Variants in KIZ observed in about 807,000 individuals in gnomAD.
KIZ encodes the protein centrosomal protein kizuna.
KIZ carries 68 observed loss-of-function variants against 79.6 expected under a neutral mutation model. That is an observed-to-expected ratio of 0.85 (90% CI 0.70 to 1.05). The LOEUF (loss-of-function observed/expected upper bound fraction) is 1.05. KIZ is among the 50% of genes least tolerant of loss of function. KIZ has a pLI of 0.00. For synonymous variants in KIZ, 280 were observed against 281.8 expected (o/e 0.99, Z 0.06); for missense variants, 797 against 800.4 (o/e 1.00, Z 0.05).
chr20:21,137,998 C>A (rs2032295787), intron 3 of KIZ, among the ~76,000 whole-genome samples: 1 of 152,080 alleles, frequency 6.6e-6, no homozygotes, highest in Non-Finnish European at 1.5e-5. Flanking sequence ...TCTCGAACTC[C>A]CAGTCTCAAG....
Position 21,237,512 on chromosome 20 carries a change from A to G in KIZ, c.1880+4682A>G, listed in dbSNP as rs371289363. ...TCTGTCAAGCACGGGTAGTCTGCAC[A>G]CTGCACACCCTTCCCAGCCAGCTCC... On this transcript the variant is annotated intron_variant, in intron 11 of 12. Transcript: ENST00000619189. Among the ~76,000 whole-genome samples, 135 of 152,104 alleles carry G rather than the reference A, an allele frequency of 8.9e-4. 1 individual carries two copies. The highest frequency in any genetic ancestry group is 3.0e-3 in the African/African-American group (125 of 41,488).
intron 6 of KIZ, among the ~76,000 whole-genome samples, chr20:21,177,064 G>A (rs1240645089): frequency 6.6e-6 from 1 of 151,454 alleles, no homozygotes; most frequent in Non-Finnish European, 1.5e-5. Flanking sequence ...GATGAACACT[G>A]GAGTGCTAAT....
Position 21,176,774 on chromosome 20 carries a change from TAAA to T in KIZ, c.1352+13616_1352+13618del, listed in dbSNP as rs144648860. On this transcript the variant is annotated intron_variant, in intron 6 of 12. Transcript: ENST00000619189. The stretch of plus-strand genomic sequence containing the variant: ...GTAAACAGAAAGATGGAAATTATAA[TAAA>T]GAATAAAAAAGTAATGCTAGAATTA... 8.8e-3 allele frequency among the ~76,000 whole-genome samples: 1,334 copies of T among 152,216 alleles called. 22 individuals are homozygous for T. Among genetic ancestry groups the T allele is most frequent in the African/African-American group, 0.031 (1,269 of 41,558 alleles).
chr20:21,162,547 G>C (rs1435411423), intron 5 of KIZ, 40 bp downstream of exon 5: 1 of 1,528,576 alleles, frequency 6.5e-7, no homozygotes, highest in East Asian at 2.3e-5. Context: ...ATTTTTCTGG[G>C]TGGTAGTGAT....
At chr20:21,198,254 G>A (rs915655400) in intron 6 of KIZ, 16 of 152,180 alleles carry the variant, frequency 1.1e-4, no homozygotes, top group African/African-American at 3.9e-4. Context: ...AGTAGAGACG[G>A]GGTTTCACTG....
intron 3 of KIZ, among the ~76,000 whole-genome samples, chr20:21,144,617 TA>T (rs1156554750): frequency 6.9e-5 from 9 of 131,386 alleles, no homozygotes; most frequent in Non-Finnish European, 1.5e-4. Flanking sequence ...TAACTGTTAC[TA>T]AAAATGAGAC....
chr20:21,139,044 C>G (rs1173488777), intron 3 of KIZ: 1 of 146,660 alleles, frequency 6.8e-6, no homozygotes, highest in Non-Finnish European at 1.5e-5. Context: ...CAGATGAGAG[C>G]AAGCGTGTTC....
chr20:21,226,688 T>G lies in KIZ; in HGVS notation c.1679-2323T>G, dbSNP rs139592575. Among the ~76,000 whole-genome samples the G allele has an allele frequency of 1.1e-4, 17 of 152,316 alleles. No homozygotes were observed. The East Asian group carries it at 3.1e-3, about 28-fold the overall frequency. On this transcript the variant is annotated intron_variant, in intron 9 of 12. Coordinates refer to ENST00000619189, the MANE Select transcript of KIZ (RefSeq NM_018474.6). ...GTGAATGCACTTCATCTTTGTACCT[T>G]TTAAACTTCACTTTGCCTTTAGACC...
At chr20:21,242,144 C>T (rs1258887477) in intron 11 of KIZ, among the ~76,000 whole-genome samples, 1 of 152,134 alleles carries the variant, frequency 6.6e-6, no homozygotes, top group Non-Finnish European at 1.5e-5. Flanking sequence ...TCTTGCAGTT[C>T]AGAGGGGGAG....
At chr20:21,198,205 G>T (rs912844698) in intron 6 of KIZ, 4 of 152,542 alleles carry the variant, frequency 2.6e-5, no homozygotes, top group Non-Finnish European at 5.9e-5. Context: ...TGGGGCTACA[G>T]GCGCCTGCCA....
At chr20:21,201,005 C>T (rs1325538485) in intron 6 of KIZ, among the ~76,000 whole-genome samples, 3 of 151,882 alleles carry the variant, frequency 2.0e-5, no homozygotes, top group Non-Finnish European at 4.4e-5. Flanking sequence ...CATGGCGAAA[C>T]CCCATCTCTA....
intron 3 of KIZ, among the ~76,000 whole-genome samples, chr20:21,142,748 G>T (rs1472871105): frequency 6.6e-6 from 1 of 151,806 alleles, no homozygotes; most frequent in African/African-American, 2.4e-5. Context: ...TTGTGATCAT[G>T]CCACTGCACT....
At chr20:21,228,936 CAT>C in intron 9 of KIZ, 73 bp from the exon 10 acceptor site, 1 of 742,398 alleles carries the variant, frequency 1.3e-6, no homozygotes, top group Middle Eastern at 2.4e-4. Context: ...GTGTTAATCT[CAT>C]AGGAAGAATT....
At chr20:21,199,510 C>T (rs952414026) in intron 6 of KIZ, among the ~76,000 whole-genome samples, 6 of 152,188 alleles carry the variant, frequency 3.9e-5, no homozygotes, top group Non-Finnish European at 7.3e-5. Flanking sequence ...ATCACTGGTT[C>T]ACTCTCTAGC....
chr20:21,209,329 G>T (rs1234763047), intron 7 of KIZ, among the ~76,000 whole-genome samples: 3 of 152,212 alleles, frequency 2.0e-5, no homozygotes, highest in Non-Finnish European at 4.4e-5. Flanking sequence ...TGAGTTGGGT[G>T]CTTCATTAAA....
intron 4 of KIZ, among the ~76,000 whole-genome samples, chr20:21,147,221 G>A (rs2032894178): frequency 6.6e-6 from 1 of 152,050 alleles, no homozygotes; most frequent in Non-Finnish European, 1.5e-5. Context: ...ATTAGGGCAA[G>A]AGACATACAG....
chr20:21,150,033 T>C (rs2033041438), intron 4 of KIZ, among the ~76,000 whole-genome samples: 1 of 152,176 alleles, frequency 6.6e-6, no homozygotes, highest in South Asian at 2.1e-4. Flanking sequence ...TAGCACCTGG[T>C]GCTCAGTCCC....
At chr20:21,129,497 G>A (rs1360984363) in intron 1 of KIZ, among the ~76,000 whole-genome samples, 1 of 152,150 alleles carries the variant, frequency 6.6e-6, no homozygotes, top group Non-Finnish European at 1.5e-5. Flanking sequence ...CACTTTGAGA[G>A]GCAGAGGCGG....
In KIZ at chr20:21,146,100, G is replaced by A. The variant is rs187123371; in HGVS notation, c.405+446G>A. ...AAGCAATAGACAAAAAGATCGACAA[G>A]GAATACTTAAATAAATTCTGCTATG... On this transcript the variant is annotated intron_variant, in intron 4 of 12. Coordinates refer to ENST00000619189, the MANE Select transcript of KIZ (RefSeq NM_018474.6). Among the ~76,000 whole-genome samples the A allele has an allele frequency of 1.5e-4, 23 of 152,286 alleles. 2 individuals carry two copies. In the East Asian group the frequency reaches 4.4e-3, roughly 29 times the overall value.
Sources: allele counts gnomAD v4.1 joint callset (sites outside exome capture counted in the v4.1 genomes callset), GRCh38; gene constraint gnomAD v4.1.1; transcripts MANE v1.5; gene names NCBI Gene and HGNC (gene_info 2026-07-23, HGNC 2026-07-21).